Variants in SLC7A2 observed in about 807,000 individuals in gnomAD.
SLC7A2 encodes the protein solute carrier family 7 member 2, also known as cationic amino acid transporter 2.
In SLC7A2, 48 loss-of-function variants were observed where a neutral mutation model predicts 58.9. The ratio of observed to expected loss-of-function variants is 0.82; its 90% CI spans 0.65 to 1.04. SLC7A2 has a LOEUF of 1.04. Ranked by LOEUF, SLC7A2 falls within the 50% of genes least tolerant of loss-of-function variation. The pLI is 0.00. For synonymous variants in SLC7A2, 363 were observed against 314.5 expected (o/e 1.15, Z -1.63); for missense variants, 1,029 against 818.8 (o/e 1.26, Z -3.13).
intron 2 of SLC7A2, among the ~76,000 whole-genome samples, chr8:17,533,374 A>C (rs1392735015): frequency 1.3e-5 from 2 of 152,154 alleles, no homozygotes; most frequent in Admixed American, 1.3e-4. Context: ...ATAAATCTCA[A>C]CTCAGTTTCC....
At chr8:17,500,949 ACTGTTATATATCAGT>A (rs1305510448) in intron 1 of SLC7A2, among the ~76,000 whole-genome samples, 1 of 151,972 alleles carries the variant, frequency 6.6e-6, no homozygotes, top group Middle Eastern at 3.2e-3. Flanking sequence ...AGTAATGGAA[ACTGTTATATATCAGT>A]CTATGGAAGC....
chr8:17,506,919 T>C (rs1800389098), intron 2 of SLC7A2, among the ~76,000 whole-genome samples: 1 of 151,436 alleles, frequency 6.6e-6, no homozygotes. Context: ...AAATAATAAT[T>C]ACTAGAATGC....
At chr8:17,548,299 C>T (rs1802274535) in intron 4 of SLC7A2, among the ~76,000 whole-genome samples, 1 of 151,846 alleles carries the variant, frequency 6.6e-6, no homozygotes, top group South Asian at 2.1e-4. Context: ...CGAGATCATA[C>T]CACTGCACTT....
intron 2 of SLC7A2, among the ~76,000 whole-genome samples, chr8:17,533,229 C>G (rs1386433260): frequency 6.6e-6 from 1 of 152,188 alleles, no homozygotes; most frequent in Non-Finnish European, 1.5e-5. Context: ...TATCAAGAAG[C>G]TAACGATAAA....
Position 17,561,958 on chromosome 8 carries a change from G to A in SLC7A2, c.1519G>A (p.Gly507Ser). ...LVGFLAFLVL[G>S]LSVLTTYGVH... ...TCCCCCTGCAGCTTTCCTCGTGTTG[G>A]GCCTGAGTGTCTTGACCACTTACGG... Residue 507 changes from glycine (G) to serine (S), a missense_variant, in exon 11 of 13, where the codon GGC becomes AGC. By Grantham distance (56) the Gly-to-Ser change is moderately conservative. Transcript: ENST00000494857. The A allele has an allele frequency of 1.2e-6, 2 of 1,614,044 alleles. No individual in the cohort carries two copies. Among genetic ancestry groups the A allele is most frequent in the South Asian group, 1.1e-5 (1 of 91,070 alleles).
Position 17,564,967 on chromosome 8 carries a change from T to A in SLC7A2, c.1798T>A (p.Ser600Thr). ...CCCAACAGGCTTCCTGATTTACTTT[T>A]CTTATGGCATTAGACACAGCCTGGA... ...WMAIGFLIYF[S>T]YGIRHSLEGH... Residue 600 changes from serine to threonine, a missense_variant, in exon 13 of 13, where the codon TCT (serine) becomes ACT (threonine). Ser to Thr is a moderately conservative substitution (Grantham distance 58, BLOSUM62 1). Transcript: ENST00000494857. 3 of 1,584,638 alleles carry A rather than the reference T, an allele frequency of 1.9e-6. No individual in the cohort carries two copies. Among genetic ancestry groups the A allele is most frequent in the Non-Finnish European group, 2.6e-6 (3 of 1,169,096 alleles).
chr8:17,554,127 A>G (rs1373983683), intron 7 of SLC7A2, among the ~76,000 whole-genome samples: 1 of 152,220 alleles, frequency 6.6e-6, no homozygotes, highest in African/African-American at 2.4e-5. Context: ...AAAGGTTGCA[A>G]CTATTGCTTA....
intron 2 of SLC7A2, among the ~76,000 whole-genome samples, chr8:17,515,875 A>T (rs1183855215): frequency 2.0e-5 from 3 of 152,250 alleles, no homozygotes; most frequent in African/African-American, 7.2e-5. Flanking sequence ...GACATCTGAT[A>T]GCTTTAGTGG....
At chr8:17,517,537 A>G (rs530288422) in intron 2 of SLC7A2, among the ~76,000 whole-genome samples, 15 of 151,210 alleles carry the variant, frequency 9.9e-5, no homozygotes, top group African/African-American at 3.2e-4. Flanking sequence ...ATCATGGGAG[A>G]TTTTTCTAGC....
intron 2 of SLC7A2, among the ~76,000 whole-genome samples, chr8:17,528,538 T>C (rs1801312188): frequency 6.6e-6 from 1 of 152,026 alleles, no homozygotes; most frequent in Non-Finnish European, 1.5e-5. Flanking sequence ...CAGGTGCGCA[T>C]CACCATGTCT....
intron 2 of SLC7A2, among the ~76,000 whole-genome samples, chr8:17,517,479 G>A (rs1225716393): frequency 6.6e-6 from 1 of 152,134 alleles, no homozygotes; most frequent in African/African-American, 2.4e-5. Context: ...TTTGGTGAAG[G>A]CCGTGAAAAT....
chr8:17,537,732 A>G (rs1801735481), intron 2 of SLC7A2, among the ~76,000 whole-genome samples: 1 of 152,164 alleles, frequency 6.6e-6, no homozygotes, highest in East Asian at 1.9e-4. Context: ...AGTCAGAGTG[A>G]CATACTAGCC....
chr8:17,503,525 C>T (rs906754004), intron 2 of SLC7A2, among the ~76,000 whole-genome samples: 2 of 152,100 alleles, frequency 1.3e-5, no homozygotes, highest in African/African-American at 4.8e-5. Flanking sequence ...AGAATATTTG[C>T]AGCTTGCCAA....
rs112104556 is a variant in SLC7A2 at position 17,512,875 on chromosome 8, G to A, written c.-23+10573G>A. Among the ~76,000 whole-genome samples, 191 of 152,222 alleles carry A rather than the reference G, an allele frequency of 1.3e-3. 1 individual carries two copies. The highest frequency in any genetic ancestry group is 4.5e-3 in the African/African-American group (187 of 41,536). On this transcript the variant is annotated intron_variant, in intron 2 of 12. Coordinates refer to ENST00000494857, the MANE Select transcript of SLC7A2 (RefSeq NM_001370338.1). ...CTGCTCTAGGAACTTTATACATGTG[G>A]AATCAGACAGTGTTTTGCCTTTTTG...
rs1162601561 is a variant in SLC7A2, at chr8:17,563,695, C to T, written c.1764C>T (p.Ser588=). ...GTGCAGACACTTGGGTCAGATTCAG[C>T]ATTTGGATGGCAATTGGTAGGTCTT... ...QLSADTWVRF[S]IWMAIGFLIY... Residue 588 remains serine (S), a synonymous_variant, in exon 12 of 13, where the codon AGC becomes AGT. Coordinates refer to ENST00000494857, the MANE Select transcript of SLC7A2 (RefSeq NM_001370338.1). 6.2e-7 allele frequency: 1 copy of T among 1,600,372 alleles called. No homozygotes were observed. The highest frequency in any genetic ancestry group is 8.6e-7 in the Non-Finnish European group (1 of 1,167,874).
At chr8:17,549,274 G>T (rs548098882) in intron 5 of SLC7A2, among the ~76,000 whole-genome samples, 9 of 152,208 alleles carry the variant, frequency 5.9e-5, no homozygotes, top group Non-Finnish European at 1.3e-4. Context: ...AGGCATATGT[G>T]GGTTTTCTTC....
In SLC7A2 at chr8:17,550,301, A is replaced by G; in HGVS notation, c.699A>G (p.Arg233=). Residue 233 remains arginine, a splice_region_variant and synonymous_variant, in exon 6 of 13, where the codon AGA becomes AGG. Transcript: ENST00000494857. ...CCAATGTGTTTGTTCTCTTTCTTAG[A>G]GAGCCACCTTCTGAAAACGGAACAA... ...EFLKNISASA[R]EPPSENGTSI... is the part of the protein sequence containing the mutation. 4 of 1,613,486 alleles carry G rather than the reference A, an allele frequency of 2.5e-6. No individual in the cohort carries two copies. The highest frequency in any genetic ancestry group is 2.5e-6 in the Non-Finnish European group (3 of 1,179,812).
intron 4 of SLC7A2, among the ~76,000 whole-genome samples, chr8:17,547,403 GA>G (rs1325018163): frequency 6.6e-6 from 1 of 152,112 alleles, no homozygotes; most frequent in African/African-American, 2.4e-5. Context: ...GATACATGGG[GA>G]TTATGGGAGT....
At chr8:17,550,616 T>C (rs1383792304) in intron 6 of SLC7A2, among the ~76,000 whole-genome samples, 182 bp downstream of exon 6, 1 of 152,200 alleles carries the variant, frequency 6.6e-6, no homozygotes, top group East Asian at 1.9e-4. Flanking sequence ...TCTCTGCCCT[T>C]GGTTTCCAGT....
Sources: allele counts gnomAD v4.1 joint callset (sites outside exome capture counted in the v4.1 genomes callset), GRCh38; gene constraint gnomAD v4.1.1; transcripts MANE v1.5; gene names NCBI Gene and HGNC (gene_info 2026-07-23, HGNC 2026-07-21).